The following IGSF10 variants were observed in gnomAD, a reference collection of about 807,000 sequenced individuals.
The protein encoded by IGSF10 is immunoglobulin superfamily member 10.
A neutral mutation model predicts 128.2 loss-of-function variants in IGSF10; 126 were observed. The ratio of observed to expected loss-of-function variants is 0.98; its 90% CI spans 0.85 to 1.14. IGSF10 has a LOEUF of 1.14. Ranked by LOEUF, IGSF10 falls within the 50% of genes most tolerant of loss-of-function variation. The pLI is 0.00. For synonymous variants in IGSF10, 1,185 were observed against 1,146.2 expected, an observed-to-expected ratio of 1.03 and a Z score of -0.68; for missense variants, 3,295 against 3,149.8, an observed-to-expected ratio of 1.05 and a Z score of -1.10.
chr3:151,498,905 G>C, the IGSF10 span, among the ~76,000 whole-genome samples: 2 of 151,996 alleles, frequency 1.3e-5, no homozygotes, highest in African/African-American at 4.8e-5. Flanking sequence ...ATTAGTTCAG[G>C]AACTGGCTGC....
At chr3:151,512,196 T>C in the IGSF10 span, among the ~76,000 whole-genome samples, 2 of 152,124 alleles carry the variant, frequency 1.3e-5, no homozygotes, top group African/African-American at 4.8e-5. Context: ...TATTCCAAAA[T>C]TGACCACATA....
chr3:151,541,835 G>A, the IGSF10 span, among the ~76,000 whole-genome samples: 1 of 151,116 alleles, frequency 6.6e-6, no homozygotes, highest in East Asian at 2.0e-4. Flanking sequence ...AATCAGCTGT[G>A]GAGAAAATGG....
chr3:151,468,385 A>G, the IGSF10 span, among the ~76,000 whole-genome samples: 2 of 152,172 alleles, frequency 1.3e-5, no homozygotes, highest in Non-Finnish European at 2.9e-5. Flanking sequence ...CTTTACCCCA[A>G]GATATCTGCC....
At chr3:151,450,148 G>A (rs770486137) in intron 5 of IGSF10, among the ~76,000 whole-genome samples, 10 of 152,300 alleles carry the variant, frequency 6.6e-5, no homozygotes, top group Non-Finnish European at 1.0e-4. Context: ...CTAAGTCATA[G>A]GTGCCTTGTC....
chr3:151,484,652 G>A, the IGSF10 span, among the ~76,000 whole-genome samples: 1 of 149,200 alleles, frequency 6.7e-6, no homozygotes, highest in Non-Finnish European at 1.5e-5. Context: ...TGATACCCAG[G>A]CAAACAGGAT....
At chr3:151,605,434 G>A in the IGSF10 span, among the ~76,000 whole-genome samples, 1 of 152,006 alleles carries the variant, frequency 6.6e-6, no homozygotes, top group South Asian at 2.1e-4. Context: ...TGTTATATAT[G>A]ATATATATAT....
the IGSF10 span, among the ~76,000 whole-genome samples, chr3:151,572,819 T>G: frequency 1.3e-5 from 2 of 152,190 alleles, no homozygotes; most frequent in Non-Finnish European, 2.9e-5. Flanking sequence ...GTTAGGGTAT[T>G]GATTTTAGAT....
At chr3:151,484,238 C>T in the IGSF10 span, among the ~76,000 whole-genome samples, 18 of 152,352 alleles carry the variant, frequency 1.2e-4, no homozygotes, top group Admixed American at 1.1e-3. Context: ...TGCAGCCAGA[C>T]TGCCTTTCTA....
At chr3:151,488,399 A>G in the IGSF10 span, among the ~76,000 whole-genome samples, 1 of 152,228 alleles carries the variant, frequency 6.6e-6, no homozygotes, top group African/African-American at 2.4e-5. Flanking sequence ...ATACTGCCCA[A>G]AGTAATTTAT....
At chr3:151,586,245 C>T in the IGSF10 span, among the ~76,000 whole-genome samples, 4 of 152,242 alleles carry the variant, frequency 2.6e-5, no homozygotes, top group East Asian at 1.9e-4. Context: ...TAGGCATGAG[C>T]GAAGGCACCT....
the IGSF10 span, among the ~76,000 whole-genome samples, chr3:151,506,142 A>G: frequency 6.6e-6 from 1 of 152,114 alleles, no homozygotes; most frequent in Non-Finnish European, 1.5e-5. Flanking sequence ...TTCAGTAGAG[A>G]CGGGGTTTCA....
At position 151,443,656 on chromosome 3, in the gene IGSF10, T is replaced by C. The variant is rs528296118; in HGVS notation, c.5291A>G (p.Glu1764Gly). The C allele has an allele frequency of 6.2e-7, 1 of 1,614,218 alleles. No homozygotes were observed. The highest frequency in any genetic ancestry group is 1.1e-5 in the South Asian group (1 of 91,080). The change falls in exon 7 of 8, where the codon GAA becomes GGA. Residue 1764 changes from glutamate to glycine, a missense_variant. Transcript: ENST00000282466. ...CCTACCTTCTGCTCTGCACTTCAGTTCCACAGTGCTTCCGGAATGAACTGT... is the reference window on the plus strand; with the variant it reads ...CCTACCTTCTGCTCTGCACTTCAGTCCCACAGTGCTTCCGGAATGAACTGT... ...EITVHSGSTVELKCRAEGRPS... is the reference protein window; with the variant it reads ...EITVHSGSTVGLKCRAEGRPS...
intron 4 of IGSF10, 37 bp downstream of exon 4, chr3:151,456,989 A>G (rs762720812): frequency 6.2e-7 from 1 of 1,612,562 alleles, no homozygotes; most frequent in Non-Finnish European, 8.5e-7. Context: ...GTCCCACCTT[A>G]CCTCTTTAAC....
the IGSF10 span, among the ~76,000 whole-genome samples, chr3:151,576,275 T>C: frequency 1.3e-5 from 2 of 152,134 alleles, no homozygotes; most frequent in African/African-American, 4.8e-5. Context: ...TATCCGTTTT[T>C]TGGTCTTAAT....
the IGSF10 span, among the ~76,000 whole-genome samples, chr3:151,494,788 T>C: frequency 5.3e-5 from 8 of 152,122 alleles, no homozygotes; most frequent in East Asian, 1.2e-3. Context: ...CTCTATAAAA[T>C]TCATGTGCCA....
chr3:151,512,002 C>G, the IGSF10 span, among the ~76,000 whole-genome samples: 1 of 152,126 alleles, frequency 6.6e-6, no homozygotes, highest in African/African-American at 2.4e-5. Flanking sequence ...TAGACTCCCA[C>G]ACCATAATAA....
rs747991979 is a variant in IGSF10 at position 151,437,135 on chromosome 3, T to TGTCTA, written c.7421_7425dup (p.Arg2476Ter). The TGTCTA allele has an allele frequency of 8.1e-6, 13 of 1,614,086 alleles. No homozygotes were observed. The East Asian group carries it at 2.9e-4, about 36-fold the overall frequency. On this transcript the variant is annotated stop_gained and frameshift_variant, in exon 8 of 8. Transcript: ENST00000282466. LOFTEE classifies it low-confidence loss of function (END_TRUNC). ...ATGTATTTCCCATTAATTTGAGGCC[T>TGTCTA]GTCTACTACATAACCACTTGGCATA...
chr3:151,607,843 A>G, the IGSF10 span, among the ~76,000 whole-genome samples: 3 of 145,902 alleles, frequency 2.1e-5, no homozygotes, highest in Admixed American at 2.1e-4. Context: ...CCTGGGAGGC[A>G]GATCTTGCAG....
At chr3:151,520,624 C>T in the IGSF10 span, among the ~76,000 whole-genome samples, 1 of 151,756 alleles carries the variant, frequency 6.6e-6, no homozygotes, top group African/African-American at 2.4e-5. Context: ...TAATATCCAG[C>T]CAAACTAAGC....
Sources: allele counts gnomAD v4.1 joint callset (sites outside exome capture counted in the v4.1 genomes callset), GRCh38; gene constraint gnomAD v4.1.1; transcripts MANE v1.5; gene names NCBI Gene and HGNC (gene_info 2026-07-23, HGNC 2026-07-21).